Variants in NRG1 observed in about 807,000 individuals in gnomAD.
NRG1 encodes pro-neuregulin-1, membrane-bound isoform.
Under a neutral mutation model 63.8 loss-of-function variants are expected in NRG1, and 18 were observed. The ratio of observed to expected loss-of-function variants is 0.28; its 90% CI spans 0.19 to 0.42. The LOEUF (loss-of-function observed/expected upper bound fraction) is 0.42, where lower values mean the gene tolerates loss of function less well. NRG1 is among the 10% of genes least tolerant of loss of function. The probability of loss-of-function intolerance (pLI) is 1.00; values close to 1 mark genes in which losing one functional copy is unlikely to be tolerated. For synonymous variants in NRG1, 302 were observed against 301.3 expected (o/e 1.00, Z -0.02); for missense variants, 762 against 814.7 (o/e 0.94, Z 0.79).
intron 1 of NRG1, among the ~76,000 whole-genome samples, chr8:31,941,300 A>G (rs1801712445): frequency 6.6e-6 from 1 of 152,190 alleles, no homozygotes. Flanking sequence ...CAGAAATCAC[A>G]TGATTGTCTC....
At chr8:31,696,226 C>T (rs980991950) in intron 1 of NRG1, among the ~76,000 whole-genome samples, 2 of 152,102 alleles carry the variant, frequency 1.3e-5, no homozygotes, top group Admixed American at 1.3e-4. Context: ...GCCATCATGT[C>T]CAGCTAATTT....
intron 1 of NRG1, among the ~76,000 whole-genome samples, chr8:32,196,787 C>T (rs931838574): frequency 9.2e-5 from 14 of 151,800 alleles, no homozygotes; most frequent in African/African-American, 3.4e-4. Flanking sequence ...GTCTGTGAAC[C>T]AAAGGCATAG....
At chr8:31,893,579 A>T (rs1279879981) in intron 1 of NRG1, among the ~76,000 whole-genome samples, 1 of 151,676 alleles carries the variant, frequency 6.6e-6, no homozygotes, top group Non-Finnish European at 1.5e-5. Flanking sequence ...AATAATAAAA[A>T]AATCATAAGA....
chr8:32,454,615 A>G (rs1227121228), intron 1 of NRG1, among the ~76,000 whole-genome samples: 1 of 125,248 alleles, frequency 8.0e-6, no homozygotes, highest in Non-Finnish European at 1.6e-5. Flanking sequence ...CTGCTCTCAA[A>G]TTTTTGGGCT....
At chr8:32,180,840 T>G (rs970170025) in intron 1 of NRG1, among the ~76,000 whole-genome samples, 1 of 152,082 alleles carries the variant, frequency 6.6e-6, no homozygotes, top group Non-Finnish European at 1.5e-5. Context: ...ATTTTGTAAA[T>G]AGTCCTCTTA....
chr8:32,502,731 A>T (rs1403725262), intron 1 of NRG1, among the ~76,000 whole-genome samples: 3 of 151,882 alleles, frequency 2.0e-5, no homozygotes, highest in Non-Finnish European at 4.4e-5. Flanking sequence ...TTGTTTCTTC[A>T]TCCTATTATT....
At chr8:32,499,369 T>C (rs1043346137) in intron 1 of NRG1, among the ~76,000 whole-genome samples, 1 of 152,152 alleles carries the variant, frequency 6.6e-6, no homozygotes, top group African/African-American at 2.4e-5. Flanking sequence ...AGAAGGCAGT[T>C]AGTTGGCAAG....
intron 1 of NRG1, chr8:32,191,900 C>G (rs989930444): frequency 2.6e-5 from 4 of 152,288 alleles, no homozygotes; most frequent in African/African-American, 9.6e-5. Context: ...CAGAGTACAA[C>G]ACAATCAGAT....
At chr8:31,770,156 C>T (rs1294022940) in intron 1 of NRG1, among the ~76,000 whole-genome samples, 2 of 152,038 alleles carry the variant, frequency 1.3e-5, no homozygotes, top group African/African-American at 2.4e-5. Context: ...TGAAAAAGTT[C>T]CCAGCAATCC....
chr8:32,335,945 ACATACATG>A (rs1358113089), intron 1 of NRG1, among the ~76,000 whole-genome samples: 3 of 152,020 alleles, frequency 2.0e-5, no homozygotes, highest in Non-Finnish European at 4.4e-5. Flanking sequence ...TTTGTCCACC[ACATACATG>A]CATGAAAACA....
At chr8:31,686,635 T>C (rs980857722) in intron 1 of NRG1, among the ~76,000 whole-genome samples, 14 of 152,338 alleles carry the variant, frequency 9.2e-5, no homozygotes, top group African/African-American at 3.4e-4. Flanking sequence ...TAATGAGATT[T>C]TATATTCCAT....
intron 1 of NRG1, among the ~76,000 whole-genome samples, chr8:31,857,968 A>G (rs544783453): frequency 1.5e-4 from 23 of 152,272 alleles, no homozygotes; most frequent in African/African-American, 4.3e-4. Context: ...GTTGACAACA[A>G]CCAGTTGAGA....
intron 1 of NRG1, among the ~76,000 whole-genome samples, chr8:32,229,141 C>T (rs1846638608): frequency 6.6e-6 from 1 of 152,160 alleles, no homozygotes; most frequent in Non-Finnish European, 1.5e-5. Context: ...CGGAAAGATG[C>T]ATGATATTTC....
chr8:32,468,865 G>A (rs1256903248), intron 1 of NRG1, among the ~76,000 whole-genome samples: 2 of 152,114 alleles, frequency 1.3e-5, no homozygotes, highest in African/African-American at 2.4e-5. Context: ...GGGAGACCAA[G>A]TGGAGGGGAA....
intron 1 of NRG1, among the ~76,000 whole-genome samples, chr8:32,419,502 C>A (rs13248971): frequency 0.15 from 22,758 of 152,102 alleles, 2,000 homozygotes; most frequent in Admixed American, 0.27. Flanking sequence ...TAGAACTAGA[C>A]CCCAATCAAT....
chr8:31,703,299 T>C (rs1216383030), intron 1 of NRG1, among the ~76,000 whole-genome samples: 1 of 151,894 alleles, frequency 6.6e-6, no homozygotes, highest in Non-Finnish European at 1.5e-5. Context: ...ACTCATTTTA[T>C]GCAGAAAATT....
intron 1 of NRG1, among the ~76,000 whole-genome samples, chr8:31,790,872 G>T (rs773439463): frequency 3.3e-5 from 5 of 152,108 alleles, no homozygotes; most frequent in Admixed American, 6.5e-5. Flanking sequence ...TGAAGGATGA[G>T]CAGGTCATGA....
intron 1 of NRG1, among the ~76,000 whole-genome samples, chr8:32,321,543 C>T (rs1801393721): frequency 1.3e-5 from 2 of 148,414 alleles, no homozygotes; most frequent in South Asian, 4.2e-4. Flanking sequence ...TTTTTCTCCA[C>T]CACATCCCCT....
At chr8:31,768,588 A>C (rs1563378870) in intron 1 of NRG1, among the ~76,000 whole-genome samples, 1 of 152,214 alleles carries the variant, frequency 6.6e-6, no homozygotes, top group Non-Finnish European at 1.5e-5. Flanking sequence ...CTCAGGGAGC[A>C]GTTTACACCT....
Sources: gnomAD v4.1 joint callset for allele counts (sites outside exome capture counted in the v4.1 genomes callset) on GRCh38, gnomAD v4.1.1 for gene constraint, MANE v1.5 for transcripts, NCBI Gene and HGNC (gene_info 2026-07-23, HGNC 2026-07-21) for gene names.